The following ZBTB46 variants were observed in gnomAD, a reference collection of about 807,000 sequenced individuals.
The protein encoded by ZBTB46 is zinc finger and BTB domain-containing protein 46.
ZBTB46 carries 8 observed loss-of-function variants against 44.1 expected under a neutral mutation model. The ratio of observed to expected loss-of-function variants is 0.18; its 90% CI spans 0.11 to 0.33. The LOEUF (loss-of-function observed/expected upper bound fraction) is 0.33, where lower values mean the gene tolerates loss of function less well. Among genes scored for constraint, ZBTB46 ranks in the 10% least tolerant of loss-of-function variants. The pLI is 1.00. For synonymous variants in ZBTB46, 409 were observed against 382.3 expected (o/e 1.07, Z -0.81); for missense variants, 651 against 847.7 (o/e 0.77, Z 2.88).
chr20:63,789,610 C>T (rs537685573), intron 2 of ZBTB46, among the ~76,000 whole-genome samples: 20 of 152,360 alleles, frequency 1.3e-4, no homozygotes, highest in African/African-American at 4.8e-4. Context: ...GGGACAGATA[C>T]ACAGGGTCTC....
chr20:63,769,481 C>T (rs1013853714), intron 3 of ZBTB46: 13 of 976,936 alleles, frequency 1.3e-5, no homozygotes, highest in East Asian at 2.3e-4. Flanking sequence ...TCCCGGCATG[C>T]GGTGTGAGCC....
chr20:63,744,487 C>G lies in ZBTB46; in HGVS notation c.*2443G>C, dbSNP rs1414970702. On this transcript the variant is annotated 3_prime_UTR_variant, in exon 5 of 5. Transcript: ENST00000245663. The stretch of plus-strand genomic sequence containing the variant: ...ACACCAAAATACAAACAGACACAAA[C>G]AAAAATACAAAATGTGAAATGTAAT... The G allele has an allele frequency of 6.6e-6, 1 of 150,800 alleles. No individual in the cohort carries two copies. Among genetic ancestry groups the G allele is most frequent in the African/African-American group, 2.4e-5 (1 of 40,844 alleles). 9.3% of individuals were successfully genotyped at this position (150,800 alleles called of 1,614,324 possible).
At chr20:63,751,720 CGCACCATGAAGCCCCGCCCCCCGGTGGG>C (rs1568828169) in intron 4 of ZBTB46, among the ~76,000 whole-genome samples, 63 of 95,802 alleles carry the variant, frequency 6.6e-4, no homozygotes, top group African/African-American at 2.1e-3. Context: ...CCCGGTGGGT[CGCACCATGAAGCCCCGCCCCCCGGTGGG>C]TCTCCCATGA....
chr20:63,758,781 G>C (rs1040639450), intron 3 of ZBTB46, among the ~76,000 whole-genome samples: 1 of 150,790 alleles, frequency 6.6e-6, no homozygotes, highest in Non-Finnish European at 1.5e-5. Context: ...GCCCAGGCTG[G>C]AGTGCAGTGG....
At chr20:63,830,996 C>G (rs1295584055) in intron 1 of ZBTB46, 101 bp downstream of exon 1, 1 of 142,576 alleles carries the variant, frequency 7.0e-6, no homozygotes, top group Non-Finnish European at 1.6e-5. Context: ...GGGGCGCGCC[C>G]GGGCTCGCAG....
rs115178673 is a variant in ZBTB46, at chr20:63,824,492, C to T, written c.-34+6605G>A. On this transcript the variant is annotated intron_variant, in intron 1 of 4. Transcript: ENST00000245663. ...GCTAATTTAGCAAATATCAGAAAAA[C>T]TCACTTGGCGGTTGCCACAAAAGCC... 3.2e-3 allele frequency among the ~76,000 whole-genome samples: 486 copies of T among 152,194 alleles called. 2 individuals are homozygous for T. The highest frequency in any genetic ancestry group is 0.011 in the African/African-American group (443 of 41,528).
At chr20:63,759,368 ATTCCC>A (rs1555837883) in intron 3 of ZBTB46, among the ~76,000 whole-genome samples, 1 of 152,058 alleles carries the variant, frequency 6.6e-6, no homozygotes, top group Non-Finnish European at 1.5e-5. Context: ...GCTTTTACTT[ATTCCC>A]TTCCATTCAT....
chr20:63,793,845 A>AT (rs2092580429), intron 1 of ZBTB46, among the ~76,000 whole-genome samples: 1 of 152,136 alleles, frequency 6.6e-6, no homozygotes, highest in Admixed American at 6.6e-5. Context: ...ATACTCAGAG[A>AT]TTTTATAGTT....
chr20:63,823,092 C>T (rs992200070), intron 1 of ZBTB46, among the ~76,000 whole-genome samples: 18 of 152,118 alleles, frequency 1.2e-4, no homozygotes, highest in African/African-American at 3.6e-4. Flanking sequence ...CACTTGAAAC[C>T]GAGAGGTGGA....
At chr20:63,830,538 G>C (rs1426925198) in intron 1 of ZBTB46, among the ~76,000 whole-genome samples, 1 of 150,352 alleles carries the variant, frequency 6.7e-6, no homozygotes, top group African/African-American at 2.4e-5. Context: ...TCAGGGCGCC[G>C]GGACCCGCCC....
chr20:63,815,024 C>T (rs530466120), intron 1 of ZBTB46: 8 of 170,250 alleles, frequency 4.7e-5, no homozygotes, highest in South Asian at 1.2e-4. Flanking sequence ...GCTGAGATTG[C>T]GCCACTACAC....
chr20:63,775,994 C>T (rs764425792), intron 2 of ZBTB46, 32 bp from the exon 3 acceptor site: 29 of 1,512,312 alleles, frequency 1.9e-5, no homozygotes, highest in Non-Finnish European at 2.3e-5. Context: ...TCAGAAGACA[C>T]GGGTCGTTCC....
intron 4 of ZBTB46, among the ~76,000 whole-genome samples, chr20:63,748,238 C>A (rs2145749833): frequency 6.6e-6 from 1 of 152,320 alleles, no homozygotes; most frequent in East Asian, 1.9e-4. Context: ...GTGCTGTGCC[C>A]TGTGCTGGGC....
chr20:63,757,632 C>T (rs1346309610), intron 3 of ZBTB46, among the ~76,000 whole-genome samples: 2 of 152,182 alleles, frequency 1.3e-5, no homozygotes. Flanking sequence ...CAGCTTTCTC[C>T]TTCCTTTCCA....
At chr20:63,777,697 C>T (rs905246686) in intron 2 of ZBTB46, among the ~76,000 whole-genome samples, 5 of 152,182 alleles carry the variant, frequency 3.3e-5, no homozygotes, top group South Asian at 2.1e-4. Flanking sequence ...TCGTCCAGGA[C>T]GCGCGTAGCA....
chr20:63,775,780 G>A lies in ZBTB46; in HGVS notation c.1120C>T (p.Leu374Phe). 3 of 1,613,318 alleles carry A rather than the reference G, an allele frequency of 1.9e-6. No homozygotes were observed. Among genetic ancestry groups the A allele is most frequent in the Non-Finnish European group, 2.5e-6 (3 of 1,179,920 alleles). Residue 374 changes from leucine to phenylalanine, a missense_variant, in exon 3 of 5, where the codon CTC becomes TTC. Leu to Phe is a conservative substitution (Grantham distance 22, BLOSUM62 0). Around this residue, in one of 5 missense-constraint regions of ZBTB46, gnomAD observed 385 missense variants for 423.3 expected, o/e 0.91. Coordinates refer to ENST00000245663, the MANE Select transcript of ZBTB46 (RefSeq NM_001369741.1). ...GACAGCAGGCTGTTCTTACTCATGA[G>A]CGCCGCGCGCAGGTTGGCCACCGCG... is the stretch of plus-strand genomic sequence containing the variant. ...ATAVANLRAA[L>F]MSKNSLLSLK...
chr20:63,819,384 A>C (rs2092778769), intron 1 of ZBTB46, among the ~76,000 whole-genome samples: 2 of 152,154 alleles, frequency 1.3e-5, no homozygotes, highest in African/African-American at 4.8e-5. Flanking sequence ...AGCCCTCACC[A>C]GGGTGCAGGT....
intron 3 of ZBTB46, among the ~76,000 whole-genome samples, chr20:63,774,323 G>C (rs1258319495): frequency 1.3e-5 from 2 of 152,202 alleles, no homozygotes; most frequent in East Asian, 1.9e-4. Flanking sequence ...GAATATTTTA[G>C]TGCTTATGAA....
chr20:63,818,859 G>A (rs1157335462), intron 1 of ZBTB46, among the ~76,000 whole-genome samples: 6 of 116,592 alleles, frequency 5.1e-5, no homozygotes, highest in East Asian at 2.4e-4. Context: ...GTGAAAGAAC[G>A]AAACTCCAGC....
Sources: gnomAD v4.1 joint callset for allele counts (sites outside exome capture counted in the v4.1 genomes callset) on GRCh38, gnomAD v4.1.1 for gene constraint, gnomAD v4.1.1 regional missense constraint, MANE v1.5 for transcripts, NCBI Gene and HGNC (gene_info 2026-07-23, HGNC 2026-07-21) for gene names.